The following SMR3A variants were observed in gnomAD, a reference collection of about 807,000 sequenced individuals.
The protein encoded by SMR3A is submaxillary gland androgen-regulated protein 3A.
For missense variants in SMR3A, 188 were observed against 163.0 expected (o/e 1.15, Z -0.84); for synonymous variants, 48 against 57.4 (o/e 0.84, Z 0.74).
rs777640002 is a variant in SMR3A at position 70,362,091 on chromosome 4, C to T, written c.-14-11C>T. ...ACAATCATACTGATCACCTATTGTG[C>T]TTACTTTCAGAGGCAACTGAAAGGA... On this transcript the variant is annotated splice_polypyrimidine_tract_variant and intron_variant, in intron 1 of 2. Coordinates refer to ENST00000226460, the MANE Select transcript of SMR3A (RefSeq NM_012390.4). The T allele has an allele frequency of 3.7e-6, 6 of 1,611,016 alleles. No individual in the cohort carries two copies. Among genetic ancestry groups the T allele is most frequent in the Non-Finnish European group, 5.1e-6 (6 of 1,178,040 alleles).
chr4:70,363,941 C>CA (rs759811780), intron 2 of SMR3A, among the ~76,000 whole-genome samples: 9 of 152,004 alleles, frequency 5.9e-5, no homozygotes, highest in Non-Finnish European at 1.0e-4. Context: ...CCCTGCATAA[C>CA]AACTTGAACC....
chr4:70,365,484 C>T lies in SMR3A; in HGVS notation c.55-1160C>T, dbSNP rs553608862. Among the ~76,000 whole-genome samples, 11 of 152,064 alleles carry T rather than the reference C, an allele frequency of 7.2e-5. No individual in the cohort carries two copies. In the South Asian group the frequency reaches 8.3e-4, roughly 11 times the overall value. Reference sequence around the variant, plus strand: ...ATTTCACAATAGATGTGACAACAACCGCAGGAGATGGGTACTTTTATGAAC... The same window carrying T: ...ATTTCACAATAGATGTGACAACAACTGCAGGAGATGGGTACTTTTATGAAC... On this transcript the variant is annotated intron_variant, in intron 2 of 2. Transcript: ENST00000226460.
chr4:70,361,810 A>G (rs1732152318), intron 1 of SMR3A, among the ~76,000 whole-genome samples: 1 of 151,944 alleles, frequency 6.6e-6, no homozygotes, highest in African/African-American at 2.4e-5. Context: ...CAAAAACTGT[A>G]GTTACAAAAG....
Position 70,366,709 on chromosome 4 carries a change from A to T in SMR3A, c.120A>T (p.Pro40=), listed in dbSNP as rs753883521. Residue 40 remains proline (P), a synonymous_variant, in exon 3 of 3, where the codon CCA becomes CCT. Coordinates refer to ENST00000226460, the MANE Select transcript of SMR3A (RefSeq NM_012390.4). The part of the protein sequence containing the change: ...YPPGPLAPPP[P]PCFPFGTGFV... The stretch of plus-strand genomic sequence containing the variant: ...CTGGACCACTGGCTCCTCCTCCTCC[A>T]CCATGTTTTCCTTTTGGAACAGGAT... 4 of 1,613,146 alleles carry T rather than the reference A, an allele frequency of 2.5e-6. No homozygotes were observed. The African/African-American group carries it at 5.3e-5, about 22-fold the overall frequency.
At chr4:70,362,901 A>G (rs1241635422) in intron 2 of SMR3A, among the ~76,000 whole-genome samples, 1 of 151,936 alleles carries the variant, frequency 6.6e-6, no homozygotes, top group East Asian at 1.9e-4. Flanking sequence ...TATGACTTCC[A>G]CAAAGCAGGC....
intron 2 of SMR3A, among the ~76,000 whole-genome samples, chr4:70,365,709 C>T (rs1732246152): frequency 1.3e-5 from 2 of 151,936 alleles, no homozygotes; most frequent in African/African-American, 4.8e-5. Context: ...TGTTTGTACC[C>T]CTGGCAAACT....
At chr4:70,362,040 T>C (rs1334128849) in intron 1 of SMR3A, 62 bp from the exon 2 acceptor site, 6 of 1,605,840 alleles carry the variant, frequency 3.7e-6, no homozygotes, top group Non-Finnish European at 4.3e-6. Flanking sequence ...TGTTGAGACA[T>C]TTTAAATAGT....
chr4:70,361,964 A>G, intron 1 of SMR3A, 138 bp from the exon 2 acceptor site: 7 of 1,400,898 alleles, frequency 5.0e-6, no homozygotes, highest in Non-Finnish European at 6.6e-6. Context: ...TACTGAATCC[A>G]AAATAATGTT....
chr4:70,365,013 A>G (rs1442091627), intron 2 of SMR3A, among the ~76,000 whole-genome samples: 2 of 152,026 alleles, frequency 1.3e-5, no homozygotes, highest in African/African-American at 4.8e-5. Flanking sequence ...TATATAAACC[A>G]TCTGCTCCAA....
At chr4:70,361,989 A>G (rs1560521838) in intron 1 of SMR3A, 113 bp from the exon 2 acceptor site, 2 of 1,481,620 alleles carry the variant, frequency 1.3e-6, no homozygotes, top group Non-Finnish European at 1.8e-6. Flanking sequence ...AAATTTCCTA[A>G]AAAGGCTACA....
At position 70,367,009 on chromosome 4, in the gene SMR3A, A is replaced by C. The variant is rs971901628; in HGVS notation, c.*15A>C. 4.4e-6 allele frequency: 7 copies of C among 1,605,760 alleles called. No individual in the cohort carries two copies. Among genetic ancestry groups the C allele is most frequent in the Non-Finnish European group, 6.0e-6 (7 of 1,173,742 alleles). On this transcript the variant is annotated 3_prime_UTR_variant, in exon 3 of 3. Transcript: ENST00000226460. ...CTGCACCCTAAATACAGACAACTGC[A>C]ACAGGTGCCACCACCCACAAAAGAC...
At position 70,367,052 on chromosome 4, in the gene SMR3A, T is replaced by C; in HGVS notation, c.*58T>C. 1 of 1,392,976 alleles carries C rather than the reference T, an allele frequency of 7.2e-7. No homozygotes were observed. The allele number at this position is 1,392,976 out of a possible 1,614,324, so 86.3% of individuals were successfully genotyped here. A position where few individuals can be genotyped will look rare whatever the true frequency, so the allele number is the denominator to read the frequency against. ...CAAAAGACAACACTACCCTCGTAAC[T>C]ACTGCTTCTACTACCCAAAAATAAG... On this transcript the variant is annotated 3_prime_UTR_variant, in exon 3 of 3. Coordinates refer to ENST00000226460, the MANE Select transcript of SMR3A (RefSeq NM_012390.4).
chr4:70,364,718 T>G (rs756944831), intron 2 of SMR3A, among the ~76,000 whole-genome samples: 6 of 151,910 alleles, frequency 3.9e-5, no homozygotes, highest in African/African-American at 7.2e-5. Flanking sequence ...GGAGAATGTT[T>G]ATAAAATTGG....
At chr4:70,362,706 C>T (rs1481221281) in intron 2 of SMR3A, among the ~76,000 whole-genome samples, 1 of 151,606 alleles carries the variant, frequency 6.6e-6, no homozygotes, top group Non-Finnish European at 1.5e-5. Flanking sequence ...TTGTCCTTAA[C>T]CTAGTGTTTC....
chr4:70,365,800 C>A (rs1462928024), intron 2 of SMR3A, among the ~76,000 whole-genome samples: 1 of 152,010 alleles, frequency 6.6e-6, no homozygotes, highest in Non-Finnish European at 1.5e-5. Context: ...ATGTGTTTCA[C>A]AATTAATTAA....
Position 70,366,767 on chromosome 4 carries a change from C to T in SMR3A, c.178C>T (p.Pro60Ser). 1 of 1,613,196 alleles carries T rather than the reference C, an allele frequency of 6.2e-7. No homozygotes were observed. Among genetic ancestry groups the T allele is most frequent in the South Asian group, 1.1e-5 (1 of 91,052 alleles). ...VPPPHPPPYG[P>S]GRFPPPLSPP... ...ACCACCCCATCCTCCACCCTATGGT[C>T]CAGGGAGATTTCCACCACCCCTTTC... Residue 60 changes from proline (P) to serine (S), a missense_variant, in exon 3 of 3, where the codon CCA becomes TCA. By Grantham distance (74) the Pro-to-Ser change is moderately conservative (BLOSUM62 -1). Transcript: ENST00000226460.
rs775741154 is a variant in SMR3A, at chr4:70,366,913, A to G, written c.324A>G (p.Gln108=). 18 of 1,613,194 alleles carry G rather than the reference A, an allele frequency of 1.1e-5. No individual in the cohort carries two copies. The highest frequency in any genetic ancestry group is 2.7e-5 in the African/African-American group (2 of 74,692). The change falls in exon 3 of 3, where the codon CAA becomes CAG. Residue 108 remains glutamine (Q), a synonymous_variant. Coordinates refer to ENST00000226460, the MANE Select transcript of SMR3A (RefSeq NM_012390.4). ...YGPGYPQPPS[Q]PRPYPPGPPF... is the part of the protein sequence containing the mutation. ...CAGGTTATCCACAGCCACCTTCCCA[A>G]CCAAGACCCTATCCACCTGGACCTC...
intron 2 of SMR3A, 36 bp downstream of exon 2, chr4:70,362,205 C>T (rs536545335): frequency 6.9e-7 from 1 of 1,453,782 alleles, no homozygotes; most frequent in East Asian, 2.3e-5. Context: ...CATCTTTATA[C>T]TTTCTCATTA....
intron 1 of SMR3A, among the ~76,000 whole-genome samples, chr4:70,361,213 G>A (rs1206693219): frequency 6.6e-6 from 1 of 151,754 alleles, no homozygotes; most frequent in Non-Finnish European, 1.5e-5. Context: ...ACGGATCCTG[G>A]GAAAAGTAAT....
Sources: gnomAD v4.1 joint callset for allele counts (sites outside exome capture counted in the v4.1 genomes callset) on GRCh38, gnomAD v4.1.1 for gene constraint, MANE v1.5 for transcripts, NCBI Gene and HGNC (gene_info 2026-07-23, HGNC 2026-07-21) for gene names.